Variants in EFCAB8 observed in about 807,000 individuals in gnomAD.
EFCAB8 encodes EF-hand calcium-binding domain-containing protein 8.
A neutral mutation model predicts 116.3 loss-of-function variants in EFCAB8; 100 were observed. That is an observed-to-expected ratio of 0.86 (90% CI 0.73 to 1.02). The LOEUF (loss-of-function observed/expected upper bound fraction) is 1.02. Ranked by LOEUF, EFCAB8 falls within the 50% of genes least tolerant of loss-of-function variation. The pLI is 0.00. For missense variants in EFCAB8, 1,320 were observed against 1,416.9 expected (o/e 0.93, Z 1.10); for synonymous variants, 558 against 567.9 (o/e 0.98, Z 0.25).
At chr20:32,934,013 C>T (rs58410872) in intron 22 of EFCAB8, among the ~76,000 whole-genome samples, 1 of 140,558 alleles carries the variant, frequency 7.1e-6, no homozygotes, top group Non-Finnish European at 1.5e-5. Flanking sequence ...AAATCAAAAA[C>T]TTTTTTTTTT....
At chr20:32,867,122 G>A (rs1984462829) in intron 2 of EFCAB8, among the ~76,000 whole-genome samples, 1 of 152,136 alleles carries the variant, frequency 6.6e-6, no homozygotes, top group African/African-American at 2.4e-5. Context: ...TTTCTACCAT[G>A]TTGGTCAGGC....
rs62208904 is a variant in EFCAB8 at position 32,892,246 on chromosome 20, G to C, written c.707G>C (p.Arg236Pro). The C allele has an allele frequency of 0.02, 30,832 of 1,551,520 alleles. 519 individuals carry two copies. Among genetic ancestry groups the C allele is most frequent in the East Asian group, 0.1 (4,149 of 40,896 alleles). The change falls in exon 8 of 27, where the codon CGG (arginine) becomes CCG (proline). Residue 236 changes from arginine (R) to proline (P), a missense_variant. Transcript: ENST00000400522. Reference sequence around the variant, plus strand: ...GATATTAGTGACCACAAATGTGTCCGGGCCTTCACCTTTGTTGATCTGGAC... The same window carrying C: ...GATATTAGTGACCACAAATGTGTCCCGGCCTTCACCTTTGTTGATCTGGAC... ...FFDISDHKCVRAFTFVDLDSC... is the reference protein window; with the variant it reads ...FFDISDHKCVPAFTFVDLDSC...
chr20:32,939,203 C>CTTTCTTTCCTCT (rs1555869214), intron 22 of EFCAB8, among the ~76,000 whole-genome samples: 1 of 51,050 alleles, frequency 2.0e-5, no homozygotes, highest in Non-Finnish European at 3.8e-5. Flanking sequence ...TTCTTTCTTT[C>CTTTCTTTCCTCT]CTCTCTCTCT....
In EFCAB8 at chr20:32,889,296, G is replaced by A. The variant is rs561801900; in HGVS notation, c.568-5G>A. On this transcript the variant is annotated splice_region_variant and splice_polypyrimidine_tract_variant and intron_variant, in intron 6 of 26. Coordinates refer to ENST00000400522, the MANE Select transcript of EFCAB8 (RefSeq NM_001143967.2). ...GCCCATCTCCTCTGCTCTTCCTCTG[G>A]CCAGCTTAACCAGACCCAGCAGCTC... 1 of 1,551,306 alleles carries A rather than the reference G, an allele frequency of 6.4e-7. No homozygotes were observed. Among genetic ancestry groups the A allele is most frequent in the Admixed American group, 2.0e-5 (1 of 50,976 alleles).
chr20:32,902,640 T>C (rs1204153753), intron 11 of EFCAB8, among the ~76,000 whole-genome samples: 1 of 152,212 alleles, frequency 6.6e-6, no homozygotes, highest in African/African-American at 2.4e-5. Context: ...CTTGTCTGCA[T>C]GCAGTGCAAT....
At chr20:32,879,184 TA>T (rs1342015618) in intron 5 of EFCAB8, among the ~76,000 whole-genome samples, 1 of 152,196 alleles carries the variant, frequency 6.6e-6, no homozygotes, top group East Asian at 1.9e-4. Flanking sequence ...AGTTTCATCA[TA>T]GGGGCACAGG....
chr20:32,945,933 T>C (rs1344016297), intron 23 of EFCAB8, among the ~76,000 whole-genome samples: 1 of 152,230 alleles, frequency 6.6e-6, no homozygotes, highest in Non-Finnish European at 1.5e-5. Context: ...CTAGAGCGGC[T>C]ACAAGCTTCC....
At position 32,868,434 on chromosome 20, in the gene EFCAB8, G is replaced by A. The variant is rs558457538; in HGVS notation, c.208+687G>A. ...ATTATGTAGGTATTGCAAGCATATT[G>A]GAGGCTATTTGGGATCTAGAAAATT... On this transcript the variant is annotated intron_variant, in intron 3 of 26. Coordinates refer to ENST00000400522, the MANE Select transcript of EFCAB8 (RefSeq NM_001143967.2). Among the ~76,000 whole-genome samples, 10 of 152,264 alleles carry A rather than the reference G, an allele frequency of 6.6e-5. No individual in the cohort carries two copies. In the South Asian group the frequency reaches 1.7e-3, roughly 25 times the overall value.
At chr20:32,886,430 G>C (rs554334683) in intron 6 of EFCAB8, among the ~76,000 whole-genome samples, 1 of 152,260 alleles carries the variant, frequency 6.6e-6, no homozygotes, top group African/African-American at 2.4e-5. Flanking sequence ...GCTCTCCAGG[G>C]CTCTACAGAA....
chr20:32,879,142 T>C (rs1174243100), intron 5 of EFCAB8, among the ~76,000 whole-genome samples: 1 of 152,210 alleles, frequency 6.6e-6, no homozygotes, highest in Non-Finnish European at 1.5e-5. Context: ...TTCACCTGCT[T>C]CCTGTGCTAG....
intron 6 of EFCAB8, among the ~76,000 whole-genome samples, chr20:32,886,479 C>T (rs564583511): frequency 6.6e-6 from 1 of 152,322 alleles, no homozygotes; most frequent in East Asian, 1.9e-4. Flanking sequence ...GAAGGGCTTT[C>T]TGAGCCTGTG....
At chr20:32,874,399 T>A (rs899089888) in intron 3 of EFCAB8, among the ~76,000 whole-genome samples, 15 of 151,630 alleles carry the variant, frequency 9.9e-5, no homozygotes, top group African/African-American at 1.9e-4. Context: ...ATTTAAAAAA[T>A]TTTTTTTGTA....
intron 23 of EFCAB8, among the ~76,000 whole-genome samples, chr20:32,957,673 T>G (rs1283397350): frequency 6.6e-6 from 1 of 152,154 alleles, no homozygotes; most frequent in African/African-American, 2.4e-5. Context: ...CAGGCGAGAC[T>G]TAATTAATCA....
rs1018544950 is a variant in EFCAB8, at chr20:32,897,430, C to T, written c.957+903C>T. 7.3e-5 allele frequency among the ~76,000 whole-genome samples: 11 copies of T among 150,158 alleles called. 1 individual carries two copies. In the South Asian group the frequency reaches 1.9e-3, roughly 26 times the overall value. On this transcript the variant is annotated intron_variant, in intron 10 of 26. Coordinates refer to ENST00000400522, the MANE Select transcript of EFCAB8 (RefSeq NM_001143967.2). ...GGGCGGTCTGGGTGATCCAACAGGCCTGCACTGACTTTTTTTTTTTTTTTT... is the reference window on the plus strand; with the variant it reads ...GGGCGGTCTGGGTGATCCAACAGGCTTGCACTGACTTTTTTTTTTTTTTTT...
At chr20:32,892,933 C>T (rs1442358015) in intron 8 of EFCAB8, among the ~76,000 whole-genome samples, 1 of 151,622 alleles carries the variant, frequency 6.6e-6, no homozygotes, top group Non-Finnish European at 1.5e-5. Flanking sequence ...CTCCACCTGC[C>T]GGGTTCAAGT....
At chr20:32,954,457 T>TG (rs1360067849) in intron 23 of EFCAB8, among the ~76,000 whole-genome samples, 1 of 152,260 alleles carries the variant, frequency 6.6e-6, no homozygotes, top group Non-Finnish European at 1.5e-5. Flanking sequence ...GCTTTATTTT[T>TG]GGATACTCTC....
At chr20:32,912,926 G>C (rs1987012690) in intron 17 of EFCAB8, 62 bp downstream of exon 17, 1 of 695,916 alleles carries the variant, frequency 1.4e-6, no homozygotes, top group Non-Finnish European at 2.7e-6. Flanking sequence ...CTCCAGATGG[G>C]TTCCTCCATT....
intron 23 of EFCAB8, among the ~76,000 whole-genome samples, chr20:32,951,210 C>T (rs139362635): frequency 7.6e-4 from 116 of 152,204 alleles, no homozygotes; most frequent in African/African-American, 2.5e-3. Context: ...AGCATATGCC[C>T]GGGTAAAGAC....
chr20:32,901,778 C>T (rs1986440664), intron 11 of EFCAB8, among the ~76,000 whole-genome samples: 1 of 152,232 alleles, frequency 6.6e-6, no homozygotes, highest in Non-Finnish European at 1.5e-5. Flanking sequence ...ACCTCCACCT[C>T]CCGGGTTCAA....
Sources: gnomAD v4.1 joint callset for allele counts (sites outside exome capture counted in the v4.1 genomes callset) on GRCh38, gnomAD v4.1.1 for gene constraint, MANE v1.5 for transcripts, NCBI Gene and HGNC (gene_info 2026-07-23, HGNC 2026-07-21) for gene names.